The following CAMKK1 variants were observed in gnomAD, a reference collection of about 807,000 sequenced individuals.
CAMKK1 encodes the protein calcium/calmodulin-dependent protein kinase kinase 1.
CAMKK1 carries 20 observed loss-of-function variants against 63.5 expected under a neutral mutation model. The observed-to-expected ratio is 0.32, with a 90% CI of 0.22 to 0.46. CAMKK1 has a LOEUF of 0.46. Ranked by LOEUF, CAMKK1 falls within the 20% of genes least tolerant of loss-of-function variation. CAMKK1 has a pLI of 1.00. For synonymous variants in CAMKK1, 253 were observed against 269.0 expected, an observed-to-expected ratio of 0.94 and a Z score of 0.58; for missense variants, 588 against 658.1, an observed-to-expected ratio of 0.89 and a Z score of 1.17.
rs1040882866 is a variant in CAMKK1 at position 3,887,481 on chromosome 17, G to A, written c.-43-1751C>T. 1.3e-5 allele frequency among the ~76,000 whole-genome samples: 2 copies of A among 152,136 alleles called. No homozygotes were observed. The highest frequency in any genetic ancestry group is 4.8e-5 in the African/African-American group (2 of 41,446). On this transcript the variant is annotated intron_variant, in intron 1 of 15. Transcript: ENST00000348335. The surrounding 1 kb of genome is among the most constrained non-coding windows in gnomAD (Gnocchi z 6.1). The stretch of plus-strand genomic sequence containing the variant: ...TCAAGGAGGCCTCCCTGGAGGAGGT[G>A]AAGGAGGTGAGGAGGCTGAGTGAGG...
intron 14 of CAMKK1, among the ~76,000 whole-genome samples, chr17:3,867,532 GAAGC>G (rs1309009186): frequency 3.3e-5 from 5 of 152,208 alleles, no homozygotes; most frequent in African/African-American, 4.8e-5. Flanking sequence ...AGTGAGAGTA[GAAGC>G]AAGGGACAGC....
In CAMKK1 at chr17:3,861,377, G is replaced by A. The variant is rs2054329464; in HGVS notation, c.*834C>T. 3 of 152,398 alleles carry A rather than the reference G, an allele frequency of 2.0e-5. No individual in the cohort carries two copies. Among genetic ancestry groups the A allele is most frequent in the Admixed American group, 1.3e-4 (2 of 15,292 alleles). 9.4% of individuals were successfully genotyped at this position (152,398 alleles called of 1,614,324 possible). A position where few individuals can be genotyped will look rare whatever the true frequency, so the allele number is the denominator to read the frequency against. On this transcript the variant is annotated 3_prime_UTR_variant, in exon 16 of 16. Coordinates refer to ENST00000348335, the MANE Select transcript of CAMKK1 (RefSeq NM_032294.3). ...GGTGTCTTCTCCAGCCTCAGCTCTA[G>A]GGGCATCATCAAGGGAGAGAGTGAG...
chr17:3,881,747 G>T, intron 7 of CAMKK1, 99 bp from the exon 8 acceptor site: 1 of 1,099,360 alleles, frequency 9.1e-7, no homozygotes, highest in Non-Finnish European at 1.4e-6. Context: ...GGGCAGGCAT[G>T]CAGGCATACT....
rs1415879170 is a variant in CAMKK1 at position 3,892,084 on chromosome 17, C to A, written c.-44+855G>T. Among the ~76,000 whole-genome samples the A allele has an allele frequency of 5.3e-5, 8 of 152,092 alleles. No individual in the cohort carries two copies. The highest frequency in any genetic ancestry group is 1.9e-4 in the African/African-American group (8 of 41,408). ...CACTTCCCTGGGATCCTCCAGCGCG[C>A]ACAGGCTGTGTGCCCCTCCCACACT... On this transcript the variant is annotated intron_variant, in intron 1 of 15. Coordinates refer to ENST00000348335, the MANE Select transcript of CAMKK1 (RefSeq NM_032294.3). This position sits in a 1 kb window ranked among gnomAD's most constrained non-coding sequence, Gnocchi z 7.5.
chr17:3,868,814 G>A (rs896267209), intron 14 of CAMKK1, among the ~76,000 whole-genome samples: 21 of 151,022 alleles, frequency 1.4e-4, no homozygotes, highest in South Asian at 4.2e-4. Context: ...CACTGCGCCC[G>A]GCTAATTTTT....
chr17:3,881,498 C>A, intron 8 of CAMKK1, 129 bp downstream of exon 8: 1 of 829,058 alleles, frequency 1.2e-6, no homozygotes, highest in Middle Eastern at 2.8e-4. Context: ...CTCTTATTTA[C>A]CCCTAAGGGC....
In CAMKK1 at chr17:3,882,229, A is replaced by C. The variant is rs1184660275; in HGVS notation, c.685+299T>G. On this transcript the variant is annotated intron_variant, in intron 7 of 15. Coordinates refer to ENST00000348335, the MANE Select transcript of CAMKK1 (RefSeq NM_032294.3). The surrounding 1 kb of genome is among the most constrained non-coding windows in gnomAD (Gnocchi z 4.3). Reference sequence around the variant, plus strand: ...AGGCACAGAGCTACAGTGTCTGGGAACCCATGCAGCCTGCTTCCTGCATCT... The same window carrying C: ...AGGCACAGAGCTACAGTGTCTGGGACCCCATGCAGCCTGCTTCCTGCATCT... The C allele has an allele frequency of 6.6e-7, 1 of 1,510,536 alleles. No individual in the cohort carries two copies. Among genetic ancestry groups the C allele is most frequent in the East Asian group, 2.3e-5 (1 of 44,296 alleles). 93.6% of individuals were successfully genotyped at this position (1,510,536 alleles called of 1,614,324 possible). A position where few individuals can be genotyped will look rare whatever the true frequency, so the allele number is the denominator to read the frequency against.
rs2055789684 is a variant in CAMKK1 at position 3,889,103 on chromosome 17, G to A, written c.-43-3373C>T. On this transcript the variant is annotated intron_variant, in intron 1 of 15. Transcript: ENST00000348335. This position sits in a 1 kb window ranked among gnomAD's most constrained non-coding sequence, Gnocchi z 5.2. ...GGGGCCCTGGGAGCCTGATCCCAGAGCTCATATCTGGACTTTTCCCCATAG... is the reference window on the plus strand; with the variant it reads ...GGGGCCCTGGGAGCCTGATCCCAGAACTCATATCTGGACTTTTCCCCATAG... Among the ~76,000 whole-genome samples, 1 of 152,160 alleles carries A rather than the reference G, an allele frequency of 6.6e-6. No homozygotes were observed. Among genetic ancestry groups the A allele is most frequent in the South Asian group, 2.1e-4 (1 of 4,836 alleles).
chr17:3,880,422 T>G lies in CAMKK1; in HGVS notation c.720A>C (p.Glu240Asp). 1 of 1,613,558 alleles carries G rather than the reference T, an allele frequency of 6.2e-7. No homozygotes were observed. The highest frequency in any genetic ancestry group is 8.5e-7 in the Non-Finnish European group (1 of 1,179,850). The change falls in exon 9 of 16, where the codon GAA becomes GAC. Residue 240 changes from glutamate to aspartate, a missense_variant. Glu to Asp is a conservative substitution (Grantham distance 45). This residue lies in a region of CAMKK1 where 357 missense variants were observed against 407.4 expected (regional missense o/e 0.88). Coordinates refer to ENST00000348335, the MANE Select transcript of CAMKK1 (RefSeq NM_032294.3). ...FDLLRKGPVM[E>D]VPCDKPFSEE... ...CCGAGAAGGGCTTGTCACAGGGCAC[T>G]TCCATGACGGGCCTATGGAGAAGGA...
chr17:3,882,549 C>T lies in CAMKK1; in HGVS notation c.664G>A (p.Ala222Thr), dbSNP rs144687124. The T allele has an allele frequency of 6.3e-6, 10 of 1,594,500 alleles. No homozygotes were observed. The Admixed American group carries it at 1.8e-4, about 28-fold the overall frequency. The change falls in exon 7 of 16, where the codon GCT becomes ACT. Residue 222 changes from alanine to threonine, a missense_variant. This residue lies in a region of CAMKK1 where 357 missense variants were observed against 407.4 expected (regional missense o/e 0.88). Coordinates refer to ENST00000348335, the MANE Select transcript of CAMKK1 (RefSeq NM_032294.3). This position sits in a 1 kb window ranked among gnomAD's most constrained non-coding sequence, Gnocchi z 4.3. The part of the protein sequence containing the change: ...VKLIEVLDDP[A>T]EDNLYLVFDL... ...TCACCCAAATAGAGGTTGTCCTCAG[C>T]TGGGTCATCCAGGACCTGGTCAGAG...
chr17:3,887,803 G>A lies in CAMKK1; in HGVS notation c.-43-2073C>T, dbSNP rs944392143. Among the ~76,000 whole-genome samples, 5 of 152,122 alleles carry A rather than the reference G, an allele frequency of 3.3e-5. No individual in the cohort carries two copies. Among genetic ancestry groups the A allele is most frequent in the Admixed American group, 6.5e-5 (1 of 15,280 alleles). On this transcript the variant is annotated intron_variant, in intron 1 of 15. Coordinates refer to ENST00000348335, the MANE Select transcript of CAMKK1 (RefSeq NM_032294.3). This position sits in a 1 kb window ranked among gnomAD's most constrained non-coding sequence, Gnocchi z 6.1. Reference sequence around the variant, plus strand: ...GGAAACCAGACAGCATAGGAAGGAGGAAGCCAAAGCTGGGAACACCCTCCA... The same window carrying A: ...GGAAACCAGACAGCATAGGAAGGAGAAAGCCAAAGCTGGGAACACCCTCCA...
In CAMKK1 at chr17:3,883,546, T is replaced by C; in HGVS notation, c.463-66A>G. On this transcript the variant is annotated intron_variant, in intron 4 of 15. Coordinates refer to ENST00000348335, the MANE Select transcript of CAMKK1 (RefSeq NM_032294.3). This position sits in a 1 kb window ranked among gnomAD's most constrained non-coding sequence, Gnocchi z 4.7. ...CCAGGGGCTAGAACAGGCTGGTACA[T>C]GTGGACTGAGGTCCGGAGAGGCACA... The C allele has an allele frequency of 7.6e-7, 1 of 1,321,294 alleles. No individual in the cohort carries two copies. Among genetic ancestry groups the C allele is most frequent in the Non-Finnish European group, 1.1e-6 (1 of 913,212 alleles). The allele number at this position is 1,321,294 out of a possible 1,614,324, so 81.8% of individuals were successfully genotyped here. A position where few individuals can be genotyped will look rare whatever the true frequency, so the allele number is the denominator to read the frequency against.
chr17:3,883,895 C>T lies in CAMKK1; in HGVS notation c.451G>A (p.Asp151Asn), dbSNP rs373201175. 6.2e-7 allele frequency: 1 copy of T among 1,613,744 alleles called. No individual in the cohort carries two copies. Among genetic ancestry groups the T allele is most frequent in the African/African-American group, 1.3e-5 (1 of 74,864 alleles). Residue 151 changes from aspartate (D) to asparagine (N), a missense_variant, in exon 4 of 16, where the codon GAC becomes AAC. By Grantham distance (23) the Asp-to-Asn change is conservative. This residue lies in a region of CAMKK1 where 357 missense variants were observed against 407.4 expected (regional missense o/e 0.88). Transcript: ENST00000348335. This position sits in a 1 kb window ranked among gnomAD's most constrained non-coding sequence, Gnocchi z 4.7. ...VVRLAYNESE[D>N]RHYAMKVLSK... ...ATCCCCAGACTCACATAGTGTCTGT[C>T]TTCACTTTCGTTGTAGGCCAGCCTC...
rs746692613 is a variant in CAMKK1, at chr17:3,881,643, C to T, written c.691G>A (p.Asp231Asn). 17 of 1,567,532 alleles carry T rather than the reference C, an allele frequency of 1.1e-5. No individual in the cohort carries two copies. The Middle Eastern group carries it at 5.0e-4, about 46-fold the overall frequency. Residue 231 changes from aspartate to asparagine, a missense_variant, in exon 8 of 16, where the codon GAC (aspartate) becomes AAC (asparagine). Physicochemically the swap from Asp to Asn is conservative, Grantham distance 23. Transcript: ENST00000348335. ...PAEDNLYLVF[D>N]LLRKGPVMEV... ...GGAACTCACCCCTTTCTCAGGAGGT[C>T]AAACACTGAAAGAAAAGACAAGAAG...
rs374470321 is a variant in CAMKK1, at chr17:3,883,403, C to G, written c.514+26G>C. On this transcript the variant is annotated intron_variant, in intron 5 of 15. Coordinates refer to ENST00000348335, the MANE Select transcript of CAMKK1 (RefSeq NM_032294.3). This position sits in a 1 kb window ranked among gnomAD's most constrained non-coding sequence, Gnocchi z 4.7. Reference sequence around the variant, plus strand: ...CCTCTGCCTCCAGGCTAGGAGCTCCCAGGGACAGGATCAGAAGATACATAC... The same window carrying G: ...CCTCTGCCTCCAGGCTAGGAGCTCCGAGGGACAGGATCAGAAGATACATAC... 6.2e-7 allele frequency: 1 copy of G among 1,610,298 alleles called. No homozygotes were observed. Among genetic ancestry groups the G allele is most frequent in the African/African-American group, 1.3e-5 (1 of 74,958 alleles).
intron 9 of CAMKK1, chr17:3,880,098 G>T: frequency 1.9e-6 from 1 of 538,314 alleles, no homozygotes; most frequent in Non-Finnish European, 3.3e-6. Flanking sequence ...ATACAGAACA[G>T]CCAGGACTCA....
intron 12 of CAMKK1, among the ~76,000 whole-genome samples, chr17:3,871,497 G>GATGTGC (rs1258498954): frequency 1.4e-5 from 2 of 147,894 alleles, no homozygotes; most frequent in African/African-American, 5.2e-5. Context: ...TGGGACTACA[G>GATGTGC]GCACCCGCCA....
rs532953477 is a variant in CAMKK1 at position 3,892,152 on chromosome 17, G to A, written c.-44+787C>T. Among the ~76,000 whole-genome samples the A allele has an allele frequency of 1.2e-3, 189 of 152,030 alleles. No individual in the cohort carries two copies. The highest frequency in any genetic ancestry group is 6.8e-3 in the Middle Eastern group (2 of 292). ...GACACCACCAAGGCCCGGTCCTGTG[G>A]CCTGTGACACAGCCTTCTCTGCACA... On this transcript the variant is annotated intron_variant, in intron 1 of 15. Coordinates refer to ENST00000348335, the MANE Select transcript of CAMKK1 (RefSeq NM_032294.3). This position sits in a 1 kb window ranked among gnomAD's most constrained non-coding sequence, Gnocchi z 7.5.
chr17:3,873,277 T>C, intron 11 of CAMKK1, 132 bp downstream of exon 11: 1 of 780,032 alleles, frequency 1.3e-6, no homozygotes. Flanking sequence ...AAGCCTCTTC[T>C]CTCTCAGCCT....
Sources: allele counts gnomAD v4.1 joint callset (sites outside exome capture counted in the v4.1 genomes callset), GRCh38; gene constraint gnomAD v4.1.1; regional missense constraint gnomAD v4.1.1; non-coding constraint Gnocchi (gnomAD v3.1); transcripts MANE v1.5; gene names NCBI Gene and HGNC (gene_info 2026-07-23, HGNC 2026-07-21).